Variants in NTS observed in about 807,000 individuals in gnomAD.
NTS encodes neurotensin/neuromedin N.
NTS carries 20 observed loss-of-function variants against 19.5 expected under a neutral mutation model. The ratio of observed to expected loss-of-function variants is 1.02; its 90% confidence interval spans 0.72 to 1.49. NTS has a LOEUF of 1.49. Among genes scored for constraint, NTS ranks in the 40% most tolerant of loss-of-function variants. The pLI is 0.00. For missense variants in NTS, 215 were observed against 193.1 expected (o/e 1.11, Z -0.67); for synonymous variants, 71 against 63.3 (o/e 1.12, Z -0.58).
At chr12:85,879,885 T>C (rs1881463581) in intron 3 of NTS, among the ~76,000 whole-genome samples, 1 of 146,514 alleles carries the variant, frequency 6.8e-6, no homozygotes, top group Non-Finnish European at 1.5e-5. Context: ...ATAAATAAAA[T>C]ATATAAAAAT....
chr12:85,874,930 G>A (rs901607528), intron 1 of NTS, among the ~76,000 whole-genome samples: 1 of 152,072 alleles, frequency 6.6e-6, no homozygotes, highest in Non-Finnish European at 1.5e-5. Context: ...TTATTTTCTT[G>A]TTTGTGTTAA....
At chr12:85,878,690 C>T in intron 3 of NTS, 121 bp downstream of exon 3, 1 of 564,310 alleles carries the variant, frequency 1.8e-6, no homozygotes, top group Non-Finnish European at 2.8e-6. Context: ...TGAAGAAGAA[C>T]AAGCCATGTT....
chr12:85,876,187 T>C (rs1230632199), intron 1 of NTS, among the ~76,000 whole-genome samples: 1 of 151,974 alleles, frequency 6.6e-6, no homozygotes, highest in Non-Finnish European at 1.5e-5. Context: ...TCTAAAATTA[T>C]CAGTAAGCAA....
chr12:85,880,215 G>C (rs1881471262), intron 3 of NTS, among the ~76,000 whole-genome samples: 1 of 151,934 alleles, frequency 6.6e-6, no homozygotes, highest in East Asian at 1.9e-4. Context: ...CTTGCAAAAT[G>C]CTTTACAATT....
intron 3 of NTS, 82 bp from the exon 4 acceptor site, chr12:85,882,141 A>G: frequency 9.1e-7 from 1 of 1,095,476 alleles, no homozygotes; most frequent in South Asian, 1.4e-5. Flanking sequence ...CTTAACAGCA[A>G]ATGAGATAGA....
intron 3 of NTS, among the ~76,000 whole-genome samples, chr12:85,880,823 G>T (rs1881485951): frequency 6.6e-6 from 1 of 152,130 alleles, no homozygotes; most frequent in South Asian, 2.1e-4. Context: ...GTAGTGGCCG[G>T]CGCCTGTAGT....
At chr12:85,877,421 T>C (rs1276720474) in intron 2 of NTS, among the ~76,000 whole-genome samples, 2 of 151,330 alleles carry the variant, frequency 1.3e-5, no homozygotes, top group African/African-American at 4.9e-5. Flanking sequence ...TTTTTTTTAA[T>C]TGAGCCAAAT....
intron 3 of NTS, among the ~76,000 whole-genome samples, chr12:85,881,369 A>G (rs1307234186): frequency 6.6e-6 from 1 of 152,174 alleles, no homozygotes; most frequent in African/African-American, 2.4e-5. Flanking sequence ...AACCAAAAAT[A>G]CAAAGAAAAT....
At chr12:85,880,458 G>T (rs1018308839) in intron 3 of NTS, among the ~76,000 whole-genome samples, 3 of 152,210 alleles carry the variant, frequency 2.0e-5, no homozygotes, top group Admixed American at 2.0e-4. Flanking sequence ...GGATCTGAGG[G>T]TGTCTTCCCT....
Position 85,874,447 on chromosome 12 carries a change from T to A in NTS, c.44T>A (p.Leu15Gln). ...MKIQLVCMLLLAFSSWSLCSD... is the reference protein window; with the variant it reads ...MKIQLVCMLLQAFSSWSLCSD... ...ATCCAGCTTGTATGCATGCTACTCCTGGCTTTCAGCTCCTGGAGTCTGTGC... is the reference window on the plus strand; with the variant it reads ...ATCCAGCTTGTATGCATGCTACTCCAGGCTTTCAGCTCCTGGAGTCTGTGC... Residue 15 changes from leucine to glutamine, a missense_variant, in exon 1 of 4, where the codon CTG becomes CAG. By Grantham distance (113) the Leu-to-Gln change is moderately radical. Transcript: ENST00000256010. 3.1e-6 allele frequency: 5 copies of A among 1,613,378 alleles called. No individual in the cohort carries two copies. The highest frequency in any genetic ancestry group is 4.2e-6 in the Non-Finnish European group (5 of 1,179,330).
intron 3 of NTS, among the ~76,000 whole-genome samples, chr12:85,879,759 A>AT (rs540618823): frequency 2.4e-5 from 3 of 122,764 alleles, no homozygotes; most frequent in Non-Finnish European, 3.7e-5. Flanking sequence ...TTTTTTGTAT[A>AT]TTTTTGTATA....
intron 1 of NTS, among the ~76,000 whole-genome samples, chr12:85,876,267 A>G (rs1881341314): frequency 6.6e-6 from 1 of 151,950 alleles, no homozygotes; most frequent in Admixed American, 6.6e-5. Context: ...AAATGTTAAT[A>G]TGCATATTTT....
chr12:85,882,465 A>G lies in NTS; in HGVS notation c.*90A>G, dbSNP rs371504109. On this transcript the variant is annotated 3_prime_UTR_variant, in exon 4 of 4. Transcript: ENST00000256010. Reference sequence around the variant, plus strand: ...ATTTGTGTGAAAATGTGACAAACACACTTATCTGTCTCTTCTACAATTGTG... The same window carrying G: ...ATTTGTGTGAAAATGTGACAAACACGCTTATCTGTCTCTTCTACAATTGTG... 3.9e-6 allele frequency: 4 copies of G among 1,017,582 alleles called. No individual in the cohort carries two copies. The African/African-American group carries it at 4.9e-5, about 13-fold the overall frequency. 63.0% of individuals were successfully genotyped at this position (1,017,582 alleles called of 1,614,324 possible).
Position 85,878,463 on chromosome 12 carries a change from C to A in NTS, c.254C>A (p.Ala85Glu). 6.2e-7 allele frequency: 1 copy of A among 1,613,702 alleles called. No individual in the cohort carries two copies. The highest frequency in any genetic ancestry group is 8.5e-7 in the Non-Finnish European group (1 of 1,179,810). ...GAAGTTCATGAAGAGGAGCTTGTTG[C>A]AAGAAGGAAACTTCCTACTGCTTTA... ...TGEVHEEELV[A>E]RRKLPTALDG... The change falls in exon 3 of 4, where the codon GCA (alanine) becomes GAA (glutamate). Residue 85 changes from alanine (A) to glutamate (E), a missense_variant. Physicochemically the swap from Ala to Glu is moderately radical, Grantham distance 107 (BLOSUM62 -1). Coordinates refer to ENST00000256010, the MANE Select transcript of NTS (RefSeq NM_006183.5).
At chr12:85,875,969 G>A (rs754528891) in intron 1 of NTS, among the ~76,000 whole-genome samples, 7 of 152,028 alleles carry the variant, frequency 4.6e-5, no homozygotes, top group Middle Eastern at 3.4e-3. Context: ...CTTGGATAGA[G>A]TTTTTTAAAA....
In NTS at chr12:85,882,800, A is replaced by G. The variant is rs1881530831; in HGVS notation, c.*425A>G. On this transcript the variant is annotated 3_prime_UTR_variant, in exon 4 of 4. Coordinates refer to ENST00000256010, the MANE Select transcript of NTS (RefSeq NM_006183.5). Reference sequence around the variant, plus strand: ...TGTTTTATGGAATTGAAAGAAACATACGTTCTTTTCAAGACTTCCTCATGA... The same window carrying G: ...TGTTTTATGGAATTGAAAGAAACATGCGTTCTTTTCAAGACTTCCTCATGA... 6.6e-6 allele frequency: 1 copy of G among 152,438 alleles called. No homozygotes were observed. Among genetic ancestry groups the G allele is most frequent in the Non-Finnish European group, 1.5e-5 (1 of 68,202 alleles). 9.4% of individuals were successfully genotyped at this position (152,438 alleles called of 1,614,324 possible). A position where few individuals can be genotyped will look rare whatever the true frequency, so the allele number is the denominator to read the frequency against.
chr12:85,874,561 G>C, intron 1 of NTS, 85 bp downstream of exon 1: 1 of 872,288 alleles, frequency 1.1e-6, no homozygotes, highest in Non-Finnish European at 1.9e-6. Flanking sequence ...TAATGTATCT[G>C]GGGAGAAGAG....
rs756638931 is a variant in NTS at position 85,878,335 on chromosome 12, T to C, written c.136-10T>C. On this transcript the variant is annotated splice_polypyrimidine_tract_variant and intron_variant, in intron 2 of 3. Coordinates refer to ENST00000256010, the MANE Select transcript of NTS (RefSeq NM_006183.5). The stretch of plus-strand genomic sequence containing the variant: ...GTTTTAATTGCAGGGGTTTTTTTAA[T>C]ATATTTCAGATTAGTAAAGCACATG... The C allele has an allele frequency of 3.2e-6, 5 of 1,553,346 alleles. No homozygotes were observed. In the East Asian group the frequency reaches 1.1e-4, roughly 35 times the overall value.
rs1332988090 is a variant in NTS, at chr12:85,882,531, CTAAG to C, written c.*158_*161del. On this transcript the variant is annotated 3_prime_UTR_variant, in exon 4 of 4. Transcript: ENST00000256010. Reference sequence around the variant, plus strand: ...TTTTTCTGCACTAATATAAATTAGACTAAGTGTTTTCAAATAAATCTAAATCTTC... The same window carrying C: ...TTTTTCTGCACTAATATAAATTAGACTGTTTTCAAATAAATCTAAATCTTC... 72 of 573,664 alleles carry C rather than the reference CTAAG, an allele frequency of 1.3e-4. 1 individual carries two copies. The East Asian group carries it at 1.7e-3, about 13-fold the overall frequency. The allele number at this position is 573,664 out of a possible 1,614,324, so 35.5% of individuals were successfully genotyped here.
Sources: gnomAD v4.1 joint callset for allele counts (sites outside exome capture counted in the v4.1 genomes callset) on GRCh38, gnomAD v4.1.1 for gene constraint, MANE v1.5 for transcripts, NCBI Gene and HGNC (gene_info 2026-07-23, HGNC 2026-07-21) for gene names.